The following PCM1 variants were observed in gnomAD, a reference collection of about 807,000 sequenced individuals.
PCM1 encodes pericentriolar material 1.
In PCM1, 157 loss-of-function variants were observed where a neutral mutation model predicts 241.9. The observed-to-expected ratio is 0.65, with a 90% CI of 0.57 to 0.74. The LOEUF (loss-of-function observed/expected upper bound fraction) is 0.74. Ranked by LOEUF, PCM1 falls within the 30% of genes least tolerant of loss-of-function variation. The probability of loss-of-function intolerance (pLI) is 0.00; values close to 1 mark genes in which losing one functional copy is unlikely to be tolerated. For missense variants in PCM1, 3,478 were observed against 2,360.1 expected (o/e 1.47, Z -9.81); for synonymous variants, 1,085 against 784.9 (o/e 1.38, Z -6.39).
At chr8:18,015,196 C>T (rs554552520) in intron 36 of PCM1, among the ~76,000 whole-genome samples, 2 of 150,526 alleles carry the variant, frequency 1.3e-5, no homozygotes, top group Non-Finnish European at 3.0e-5. Flanking sequence ...TAAAGGTTTA[C>T]ACTTGGGATA....
At chr8:17,932,178 A>G (rs1429716077) in intron 2 of PCM1, among the ~76,000 whole-genome samples, 5 of 152,146 alleles carry the variant, frequency 3.3e-5, no homozygotes, top group Non-Finnish European at 7.4e-5. Flanking sequence ...GCCTAATAGC[A>G]TTGATTTTGT....
At position 18,009,696 on chromosome 8, in the gene PCM1, C is replaced by T. The variant is rs772481524; in HGVS notation, c.5112C>T (p.Cys1704=). 6.6e-7 allele frequency: 1 copy of T among 1,514,728 alleles called. No homozygotes were observed. Among genetic ancestry groups the T allele is most frequent in the Non-Finnish European group, 8.8e-7 (1 of 1,132,864 alleles). 93.8% of individuals were successfully genotyped at this position (1,514,728 alleles called of 1,614,324 possible). A position where few individuals can be genotyped will look rare whatever the true frequency, so the allele number is the denominator to read the frequency against. ...DNNSITVKQR[C]KRKIEATGVI... is the part of the protein sequence containing the mutation. ...ATAGTATAACTGTTAAACAGAGATG[C>T]AAAAGGAAAATAGAAGCAACTGGAG... Residue 1704 remains cysteine (C), a synonymous_variant, in exon 31 of 39, where the codon TGC becomes TGT. Coordinates refer to ENST00000325083, the MANE Select transcript of PCM1 (RefSeq NM_006197.4).
intron 23 of PCM1, among the ~76,000 whole-genome samples, chr8:17,977,889 C>T (rs552483002): frequency 1.3e-5 from 2 of 152,030 alleles, no homozygotes; most frequent in South Asian, 2.1e-4. Context: ...TTGGGTCCAG[C>T]CTTAAGAGAA....
Position 17,953,060 on chromosome 8 carries a change from C to A in PCM1, c.1162C>A (p.Arg388Ser), listed in dbSNP as rs1360191973. Reference protein sequence around the residue: ...SQSRKPSASERLPDEKVELFS... With the variant: ...SQSRKPSASESLPDEKVELFS... Reference sequence around the variant, plus strand: ...GAGCAGGAAACCATCAGCTTCAGAACGTTTACCTGATGAGAAAGTCGAACT... The same window carrying A: ...GAGCAGGAAACCATCAGCTTCAGAAAGTTTACCTGATGAGAAAGTCGAACT... The change falls in exon 9 of 39, where the codon CGT becomes AGT. Residue 388 changes from arginine to serine, a missense_variant. Arg to Ser is a moderately radical substitution (Grantham distance 110). Transcript: ENST00000325083. 2 of 1,606,152 alleles carry A rather than the reference C, an allele frequency of 1.2e-6. No individual in the cohort carries two copies. Among genetic ancestry groups the A allele is most frequent in the Admixed American group, 1.7e-5 (1 of 59,120 alleles).
At chr8:18,010,939 T>C (rs1359321691) in intron 32 of PCM1, among the ~76,000 whole-genome samples, 1 of 152,156 alleles carries the variant, frequency 6.6e-6, no homozygotes, top group Non-Finnish European at 1.5e-5. Context: ...TGCCACTGCA[T>C]TCCAGCCTGG....
chr8:17,980,565 AAC>A (rs776911440), intron 23 of PCM1, 24 bp from the exon 24 acceptor site: 1 of 1,559,210 alleles, frequency 6.4e-7, no homozygotes, highest in South Asian at 1.2e-5. Context: ...TGCAACTGAT[AAC>A]AGTTGTCACT....
chr8:17,969,189 G>A (rs978376390), intron 21 of PCM1, among the ~76,000 whole-genome samples: 7 of 152,132 alleles, frequency 4.6e-5, no homozygotes, highest in South Asian at 2.1e-4. Context: ...TTTATTAGAC[G>A]TTTGATTTCT....
At position 17,998,536 on chromosome 8, in the gene PCM1, C is replaced by T. The variant is rs560976677; in HGVS notation, c.4827+4917C>T. Among the ~76,000 whole-genome samples, 4 of 152,294 alleles carry T rather than the reference C, an allele frequency of 2.6e-5. No homozygotes were observed. In the South Asian group the frequency reaches 8.3e-4, roughly 32 times the overall value. On this transcript the variant is annotated intron_variant, in intron 29 of 38. Transcript: ENST00000325083. ...TAAATGGAATCTCTGTGTTGAAATG[C>T]CTGGAGCTGGATGGAGATGGGGTGA...
At chr8:18,010,795 A>G in intron 32 of PCM1, 127 bp downstream of exon 32, 1 of 614,184 alleles carries the variant, frequency 1.6e-6, no homozygotes, top group South Asian at 2.1e-5. Flanking sequence ...AGCCTGGCCA[A>G]CATGGTGAAA....
intron 7 of PCM1, among the ~76,000 whole-genome samples, chr8:17,948,628 A>C (rs2064831821): frequency 6.6e-6 from 1 of 152,114 alleles, no homozygotes; most frequent in Non-Finnish European, 1.5e-5. Flanking sequence ...TGTAGTAATG[A>C]TATAGCTGTA....
chr8:17,929,200 T>C (rs773435661), intron 2 of PCM1, among the ~76,000 whole-genome samples: 1 of 152,188 alleles, frequency 6.6e-6, no homozygotes, highest in Non-Finnish European at 1.5e-5. Context: ...AGTACTTCTC[T>C]TATCTGGCAA....
intron 23 of PCM1, among the ~76,000 whole-genome samples, chr8:17,976,171 G>T (rs1587547007): frequency 6.6e-6 from 1 of 152,164 alleles, no homozygotes; most frequent in Non-Finnish European, 1.5e-5. Context: ...GATTTGGCTG[G>T]TAAACAACTA....
intron 6 of PCM1, among the ~76,000 whole-genome samples, chr8:17,943,508 C>T (rs1255509628): frequency 1.3e-5 from 2 of 152,110 alleles, no homozygotes; most frequent in African/African-American, 2.4e-5. Flanking sequence ...ACAGTTAATG[C>T]AGTATCTGCC....
intron 29 of PCM1, among the ~76,000 whole-genome samples, chr8:17,994,744 G>A (rs1014567121): frequency 2.1e-5 from 3 of 146,174 alleles, no homozygotes; most frequent in African/African-American, 8.4e-5. Context: ...TAACAGAGGT[G>A]AGATGATTTC....
intron 26 of PCM1, among the ~76,000 whole-genome samples, chr8:17,987,390 C>T (rs559868999): frequency 6.6e-6 from 1 of 151,910 alleles, no homozygotes; most frequent in Admixed American, 6.6e-5. Context: ...AGTGCTTTCA[C>T]TTTTATCCAA....
chr8:17,941,795 C>G (rs527469565), intron 6 of PCM1, among the ~76,000 whole-genome samples: 4 of 152,106 alleles, frequency 2.6e-5, no homozygotes, highest in Middle Eastern at 3.4e-3. Context: ...GAACTGAGGC[C>G]TAATAGGAAA....
chr8:17,950,535 A>G, intron 7 of PCM1, 80 bp from the exon 8 acceptor site: 1 of 738,514 alleles, frequency 1.4e-6, no homozygotes, highest in Non-Finnish European at 2.2e-6. Context: ...TTCTTTTTTT[A>G]AATTTATTTT....
In PCM1 at chr8:17,945,617, C is replaced by G. The variant is rs1169409198; in HGVS notation, c.784-1569C>G. ...TCCAAGTCACAGTGTAAAATATTAC[C>G]ACAGTTACTCATGCTCATTCACAAT... is the stretch of plus-strand genomic sequence containing the variant. On this transcript the variant is annotated intron_variant, in intron 6 of 38. Coordinates refer to ENST00000325083, the MANE Select transcript of PCM1 (RefSeq NM_006197.4). 3.9e-5 allele frequency among the ~76,000 whole-genome samples: 6 copies of G among 152,046 alleles called. No homozygotes were observed. In the East Asian group the frequency reaches 1.2e-3, roughly 29 times the overall value.
At chr8:17,930,165 G>GT (rs1189163481) in intron 2 of PCM1, among the ~76,000 whole-genome samples, 3 of 145,300 alleles carry the variant, frequency 2.1e-5, no homozygotes, top group Non-Finnish European at 4.5e-5. Flanking sequence ...GTGCAGTGGT[G>GT]TTATCTGGGT....
Sources: allele counts gnomAD v4.1 joint callset (sites outside exome capture counted in the v4.1 genomes callset), GRCh38; gene constraint gnomAD v4.1.1; transcripts MANE v1.5; gene names NCBI Gene and HGNC (gene_info 2026-07-23, HGNC 2026-07-21).